TENM4: variants seen among roughly 807,000 people sequenced by gnomAD.
TENM4 encodes the protein teneurin-4.
A neutral mutation model predicts 243.3 loss-of-function variants in TENM4; 82 were observed. That is an observed-to-expected ratio of 0.34 (90% CI 0.28 to 0.40). The LOEUF is 0.40. TENM4 is among the 10% of genes least tolerant of loss of function. The pLI is 1.00. For synonymous variants in TENM4, 1,412 were observed against 1,456.3 expected (o/e 0.97, Z 0.69); for missense variants, 3,138 against 3,673.3 (o/e 0.85, Z 3.77).
intron 2 of TENM4, among the ~76,000 whole-genome samples, chr11:79,221,704 C>T (rs973807286): frequency 6.6e-6 from 1 of 152,068 alleles, no homozygotes; most frequent in African/African-American, 2.4e-5. Flanking sequence ...GAATGTTTCT[C>T]GGTGAGCAGC....
At chr11:78,857,157 G>A (rs1858700738) in intron 10 of TENM4, among the ~76,000 whole-genome samples, 1 of 152,214 alleles carries the variant, frequency 6.6e-6, no homozygotes, top group Non-Finnish European at 1.5e-5. Flanking sequence ...CTCTAGGGAT[G>A]TTAGGAAGAC....
chr11:79,009,040 T>A (rs1858572944), intron 6 of TENM4, among the ~76,000 whole-genome samples: 1 of 152,184 alleles, frequency 6.6e-6, no homozygotes, highest in African/African-American at 2.4e-5. Context: ...CATTTGTGTA[T>A]CATCTGTCTG....
At chr11:79,131,190 G>A (rs1161796739) in intron 4 of TENM4, among the ~76,000 whole-genome samples, 1 of 152,112 alleles carries the variant, frequency 6.6e-6, no homozygotes, top group Non-Finnish European at 1.5e-5. Context: ...AACACCTGGA[G>A]AATTCATCGC....
intron 6 of TENM4, among the ~76,000 whole-genome samples, chr11:78,989,276 TGAAA>T (rs1565156901): frequency 6.6e-6 from 1 of 152,248 alleles, no homozygotes; most frequent in Non-Finnish European, 1.5e-5. Flanking sequence ...AATTAAAGAC[TGAAA>T]GAGTCACAGG....
chr11:79,006,292 T>C (rs1034043813), intron 6 of TENM4, among the ~76,000 whole-genome samples: 85 of 152,300 alleles, frequency 5.6e-4, no homozygotes, highest in African/African-American at 2.0e-3. Context: ...ACCTTACCTA[T>C]TGGGATACCT....
intron 1 of TENM4, among the ~76,000 whole-genome samples, chr11:79,312,083 AG>A (rs1431281925): frequency 6.6e-6 from 1 of 152,152 alleles, no homozygotes; most frequent in African/African-American, 2.4e-5. Context: ...CAAAACCCAC[AG>A]GAAGAGCTCC....
chr11:78,880,497 A>G (rs988189894), intron 9 of TENM4, among the ~76,000 whole-genome samples: 3 of 150,760 alleles, frequency 2.0e-5, no homozygotes, highest in African/African-American at 7.3e-5. Flanking sequence ...AAAGAAAGAA[A>G]AAATGGCCTG....
chr11:79,277,965 T>C (rs919674040), intron 2 of TENM4, among the ~76,000 whole-genome samples: 7 of 152,152 alleles, frequency 4.6e-5, no homozygotes, highest in Non-Finnish European at 1.0e-4. Flanking sequence ...TGCTGAGAAC[T>C]CACTGTCTTG....
chr11:79,396,416 C>A (rs2135548837), intron 1 of TENM4, among the ~76,000 whole-genome samples: 1 of 152,256 alleles, frequency 6.6e-6, no homozygotes, highest in East Asian at 1.9e-4. Flanking sequence ...GTAAAAATAT[C>A]ACACAAAATT....
rs1005148572 is a variant in TENM4 at position 78,653,205 on chromosome 11, T to G, written c.*4853A>C. On this transcript the variant is annotated 3_prime_UTR_variant, in exon 34 of 34. Coordinates refer to ENST00000278550, the MANE Select transcript of TENM4 (RefSeq NM_001098816.3). ...ATCCTGATAGCAGCCAGCAGGGAAG[T>G]GCAAACCCAGGATGGCTCGGGGGCT... 6.6e-6 allele frequency: 1 copy of G among 152,132 alleles called. No individual in the cohort carries two copies. Among genetic ancestry groups the G allele is most frequent in the African/African-American group, 2.4e-5 (1 of 41,426 alleles). The allele number at this position is 152,132 out of a possible 1,614,324, so 9.4% of individuals were successfully genotyped here. A position where few individuals can be genotyped will look rare whatever the true frequency, so the allele number is the denominator to read the frequency against.
chr11:78,723,641 G>A (rs1855450557), intron 23 of TENM4, among the ~76,000 whole-genome samples: 1 of 152,226 alleles, frequency 6.6e-6, no homozygotes, highest in Non-Finnish European at 1.5e-5. Flanking sequence ...TGACGCAAAA[G>A]CTTCTTCCCA....
At chr11:78,860,390 A>G (rs1194249621) in intron 10 of TENM4, among the ~76,000 whole-genome samples, 6 of 152,226 alleles carry the variant, frequency 3.9e-5, no homozygotes, top group Admixed American at 2.0e-4. Context: ...CAGGGTCAGG[A>G]TTAACATCCT....
rs1376806777 is a variant in TENM4, at chr11:79,122,783, C to T, written c.-66+25927G>A. Among the ~76,000 whole-genome samples, 8 of 152,326 alleles carry T rather than the reference C, an allele frequency of 5.3e-5. No homozygotes were observed. In the South Asian group the frequency reaches 8.3e-4, roughly 16 times the overall value. On this transcript the variant is annotated intron_variant, in intron 4 of 33. Transcript: ENST00000278550. Reference sequence around the variant, plus strand: ...CCTTCCCCCACTAAAGGAACTGATTCCCACCACACCCTGTGAAAAGCATTA... The same window carrying T: ...CCTTCCCCCACTAAAGGAACTGATTTCCACCACACCCTGTGAAAAGCATTA...
At chr11:79,303,811 C>T (rs900525955) in intron 1 of TENM4, among the ~76,000 whole-genome samples, 1 of 152,124 alleles carries the variant, frequency 6.6e-6, no homozygotes, top group African/African-American at 2.4e-5. Flanking sequence ...TGATGGATGG[C>T]TGGCCTACTC....
intron 1 of TENM4, among the ~76,000 whole-genome samples, chr11:79,434,049 C>A (rs182676912): frequency 8.5e-5 from 13 of 152,312 alleles, no homozygotes; most frequent in Admixed American, 5.2e-4. Context: ...CCACTGAATT[C>A]TTTGTCAGAT....
At chr11:79,424,549 A>G (rs909627523) in intron 1 of TENM4, among the ~76,000 whole-genome samples, 1 of 152,054 alleles carries the variant, frequency 6.6e-6, no homozygotes, top group African/African-American at 2.4e-5. Flanking sequence ...AGGAGAATCA[A>G]TTATGCCCAG....
intron 6 of TENM4, among the ~76,000 whole-genome samples, chr11:78,964,560 T>C (rs937385660): frequency 2.0e-5 from 3 of 152,206 alleles, no homozygotes; most frequent in African/African-American, 7.2e-5. Context: ...CACCGTACAA[T>C]CTTTTAAGCC....
intron 2 of TENM4, among the ~76,000 whole-genome samples, chr11:79,259,622 C>T (rs564283827): frequency 1.3e-5 from 2 of 150,872 alleles, no homozygotes; most frequent in Admixed American, 1.3e-4. Flanking sequence ...TCCATCCCTC[C>T]ACCCATCCAC....
rs549388767 is a variant in TENM4 at position 78,917,601 on chromosome 11, G to T, written c.494-14078C>A. ...CAGATAAAAGAAATTTTGTCTTCCTGAAGTCCTCTCCAAAGTGCCCAGCTC... is the reference window on the plus strand; with the variant it reads ...CAGATAAAAGAAATTTTGTCTTCCTTAAGTCCTCTCCAAAGTGCCCAGCTC... On this transcript the variant is annotated intron_variant, in intron 6 of 33. Coordinates refer to ENST00000278550, the MANE Select transcript of TENM4 (RefSeq NM_001098816.3). Among the ~76,000 whole-genome samples, 9 of 152,072 alleles carry T rather than the reference G, an allele frequency of 5.9e-5. No homozygotes were observed. The South Asian group carries it at 1.7e-3, about 28-fold the overall frequency.
Sources: gnomAD v4.1 joint callset for allele counts (sites outside exome capture counted in the v4.1 genomes callset) on GRCh38, gnomAD v4.1.1 for gene constraint, MANE v1.5 for transcripts, NCBI Gene and HGNC (gene_info 2026-07-23, HGNC 2026-07-21) for gene names.